SLC17A3: variants seen among roughly 807,000 people sequenced by gnomAD.
SLC17A3 encodes solute carrier family 17 member 3, also known as sodium-dependent phosphate transport protein 4.
In SLC17A3, 61 loss-of-function variants were observed where a neutral mutation model predicts 60.3. That is an observed-to-expected ratio of 1.01 (90% CI 0.82 to 1.25). The LOEUF (loss-of-function observed/expected upper bound fraction) is 1.25, where lower values mean the gene tolerates loss of function less well. SLC17A3 is among the 50% of genes most tolerant of loss of function. The probability of loss-of-function intolerance (pLI) is 0.00; values close to 1 mark genes in which losing one functional copy is unlikely to be tolerated. For missense variants in SLC17A3, 624 were observed against 594.9 expected, an observed-to-expected ratio of 1.05 and a Z score of -0.51; for synonymous variants, 192 against 208.9, an observed-to-expected ratio of 0.92 and a Z score of 0.70.
At chr6:25,852,491 C>G (rs926662643) in intron 6 of SLC17A3, among the ~76,000 whole-genome samples, 5 of 152,046 alleles carry the variant, frequency 3.3e-5, no homozygotes, top group African/African-American at 1.2e-4. Context: ...CCACAACTTA[C>G]TGATGTTCTC....
At chr6:25,846,417 C>T (rs1228357734) in intron 11 of SLC17A3, among the ~76,000 whole-genome samples, 2 of 152,100 alleles carry the variant, frequency 1.3e-5, no homozygotes, top group African/African-American at 4.8e-5. Flanking sequence ...ATTATAACTT[C>T]CAATGGATGA....
chr6:25,849,510 C>A lies in SLC17A3; in HGVS notation c.1272-46G>T, dbSNP rs748995664. On this transcript the variant is annotated intron_variant, in intron 10 of 12. Coordinates refer to ENST00000397060, the MANE Select transcript of SLC17A3 (RefSeq NM_001098486.2). ...CCGGTCTAGATCCAGAGATGTTTGACAGTATCCTTCAGCCCTGATCCATGT... is the reference window on the plus strand; with the variant it reads ...CCGGTCTAGATCCAGAGATGTTTGAAAGTATCCTTCAGCCCTGATCCATGT... 4 of 1,123,588 alleles carry A rather than the reference C, an allele frequency of 3.6e-6. No individual in the cohort carries two copies. The South Asian group carries it at 3.7e-5, about 10-fold the overall frequency. The allele number at this position is 1,123,588 out of a possible 1,614,324, so 69.6% of individuals were successfully genotyped here. A position where few individuals can be genotyped will look rare whatever the true frequency, so the allele number is the denominator to read the frequency against.
At position 25,862,402 on chromosome 6, in the gene SLC17A3, A is replaced by C; in HGVS notation, c.134T>G (p.Leu45Ter). The C allele has an allele frequency of 6.2e-7, 1 of 1,613,736 alleles. No homozygotes were observed. Among genetic ancestry groups the C allele is most frequent in the Non-Finnish European group, 8.5e-7 (1 of 1,179,686 alleles). The stretch of plus-strand genomic sequence containing the variant: ...TATCGTTGTGAAATTGCAGAAATGT[A>C]AGACGAGGGCTATTCCATAGCGAGC... Reference protein sequence around the residue: ...CSARYGIALVLHFCNFTTIAQ... With the variant: ...CSARYGIALV The change falls in exon 3 of 13, where the codon TTA becomes TGA. Residue 45 changes from leucine (L) to a stop codon, truncating the protein, a stop_gained. Transcript: ENST00000397060. LOFTEE classifies it high-confidence loss of function.
At chr6:25,847,619 A>T (rs1165191) in intron 11 of SLC17A3, among the ~76,000 whole-genome samples, 37,556 of 152,018 alleles carry the variant, frequency 0.25, 4,855 homozygotes, top group African/African-American at 0.31. Flanking sequence ...CTGCTGTGAG[A>T]TGATCTCACT....
Position 25,855,175 on chromosome 6 carries a change from GGTT to G in SLC17A3, c.678_680del (p.Glu226_Thr227delinsAsp). 6.2e-7 allele frequency: 1 copy of G among 1,613,508 alleles called. No individual in the cohort carries two copies. Among genetic ancestry groups the G allele is most frequent in the Non-Finnish European group, 8.5e-7 (1 of 1,179,644 alleles). ...TATAGAAGACAAAGGGCCACCCAAG[GGTT>G]TCACTAATGAAGCCACCTATGAGGA... is the stretch of plus-strand genomic sequence containing the variant. On this transcript the variant is annotated inframe_deletion, in exon 6 of 13. Coordinates refer to ENST00000397060, the MANE Select transcript of SLC17A3 (RefSeq NM_001098486.2).
At chr6:25,854,150 G>T (rs758061304) in intron 6 of SLC17A3, among the ~76,000 whole-genome samples, 36 of 152,074 alleles carry the variant, frequency 2.4e-4, no homozygotes, top group Admixed American at 7.2e-4. Context: ...AATGTTTGAA[G>T]CACACTTGAA....
At chr6:25,870,940 C>A (rs1311567839) in intron 1 of SLC17A3, among the ~76,000 whole-genome samples, 1 of 151,988 alleles carries the variant, frequency 6.6e-6, no homozygotes, top group African/African-American at 2.4e-5. Flanking sequence ...ACAATTGGGT[C>A]TGAGTTCAGA....
At chr6:25,862,882 A>C (rs1765475718) in intron 2 of SLC17A3, among the ~76,000 whole-genome samples, 1 of 151,566 alleles carries the variant, frequency 6.6e-6, no homozygotes. Context: ...ATGTATAACT[A>C]TATATACATG....
At chr6:25,856,648 C>G (rs1430193850) in intron 5 of SLC17A3, among the ~76,000 whole-genome samples, 1 of 151,382 alleles carries the variant, frequency 6.6e-6, no homozygotes, top group Non-Finnish European at 1.5e-5. Context: ...GAGTTCGAGA[C>G]CAGCTTGGCC....
intron 1 of SLC17A3, among the ~76,000 whole-genome samples, chr6:25,869,765 A>C (rs1193368201): frequency 1.3e-5 from 2 of 151,900 alleles, no homozygotes; most frequent in African/African-American, 4.8e-5. Flanking sequence ...AATTATCTCC[A>C]CCTGGCCCCA....
In SLC17A3 at chr6:25,845,615, C is replaced by T. The variant is rs541812348; in HGVS notation, c.1363-99G>A. ...ATGACAACATTCACTGGTGGGTTTC[C>T]TTGTAGAAATTCATTTCCTGAAAGT... On this transcript the variant is annotated intron_variant, in intron 11 of 12. Transcript: ENST00000397060. The T allele has an allele frequency of 7.9e-6, 11 of 1,385,178 alleles. No individual in the cohort carries two copies. The East Asian group carries it at 1.4e-4, about 18-fold the overall frequency. 85.8% of individuals were successfully genotyped at this position (1,385,178 alleles called of 1,614,324 possible).
intron 11 of SLC17A3, 103 bp downstream of exon 11, chr6:25,849,271 C>A: frequency 1.4e-6 from 1 of 737,114 alleles, no homozygotes; most frequent in Non-Finnish European, 2.4e-6. Flanking sequence ...GACAAATTAC[C>A]CAAAATTTAA....
At chr6:25,861,487 A>G in intron 5 of SLC17A3, 137 bp downstream of exon 5, 1 of 760,334 alleles carries the variant, frequency 1.3e-6, no homozygotes, top group Non-Finnish European at 2.3e-6. Flanking sequence ...TCATAGACAA[A>G]GGACCAGTCT....
chr6:25,858,365 G>A (rs954769459), intron 5 of SLC17A3, among the ~76,000 whole-genome samples: 2 of 152,038 alleles, frequency 1.3e-5, no homozygotes, highest in Non-Finnish European at 2.9e-5. Context: ...ACACTGACAC[G>A]GTTCTTGTTA....
At chr6:25,871,988 A>G (rs1253876091) in intron 1 of SLC17A3, among the ~76,000 whole-genome samples, 2 of 152,080 alleles carry the variant, frequency 1.3e-5, no homozygotes. Flanking sequence ...CAGTAGGGCA[A>G]TGATGTACTG....
intron 2 of SLC17A3, among the ~76,000 whole-genome samples, chr6:25,866,102 C>T (rs1765530961): frequency 6.6e-6 from 1 of 151,918 alleles, no homozygotes; most frequent in South Asian, 2.1e-4. Flanking sequence ...GGGCCAGGAC[C>T]TTTCACTTGC....
chr6:25,850,972 A>ACTTTCAGGCTGGGGCAAGT, intron 6 of SLC17A3, 95 bp from the exon 7 acceptor site: 1 of 912,508 alleles, frequency 1.1e-6, no homozygotes, highest in Non-Finnish European at 1.8e-6. Flanking sequence ...AAGTTCTAGG[A>ACTTTCAGGCTGGGGCAAGT]AAAGCTCATG....
chr6:25,861,597 G>A (rs1393827673), intron 5 of SLC17A3, 27 bp downstream of exon 5: 8 of 1,577,900 alleles, frequency 5.1e-6, no homozygotes, highest in Non-Finnish European at 2.6e-6. Flanking sequence ...GGATTGTAGT[G>A]TACCCATTTG....
intron 1 of SLC17A3, among the ~76,000 whole-genome samples, chr6:25,872,884 T>C (rs1454025682): frequency 6.6e-6 from 1 of 151,862 alleles, no homozygotes; most frequent in Non-Finnish European, 1.5e-5. Context: ...CTATCTAAGG[T>C]TTCACATGAC....
Sources: gnomAD v4.1 joint callset for allele counts (sites outside exome capture counted in the v4.1 genomes callset) on GRCh38, gnomAD v4.1.1 for gene constraint, MANE v1.5 for transcripts, NCBI Gene and HGNC (gene_info 2026-07-23, HGNC 2026-07-21) for gene names.